TAX1BP1: variants seen among roughly 807,000 people sequenced by gnomAD.
The protein encoded by TAX1BP1 is tax1-binding protein 1.
In TAX1BP1, 62 loss-of-function variants were observed where a neutral mutation model predicts 97.7. That is an observed-to-expected ratio of 0.63 (90% confidence interval 0.52 to 0.78). The LOEUF (loss-of-function observed/expected upper bound fraction) is 0.78. Ranked by LOEUF, TAX1BP1 falls within the 30% of genes least tolerant of loss-of-function variation. The probability of loss-of-function intolerance (pLI) is 0.00; values close to 1 mark genes in which losing one functional copy is unlikely to be tolerated. For synonymous variants in TAX1BP1, 340 were observed against 304.2 expected (o/e 1.12, Z -1.23); for missense variants, 867 against 916.1 (o/e 0.95, Z 0.69).
At chr7:27,812,755 C>G (rs1790606906) in intron 13 of TAX1BP1, among the ~76,000 whole-genome samples, 1 of 152,154 alleles carries the variant, frequency 6.6e-6, no homozygotes, top group Non-Finnish European at 1.5e-5. Flanking sequence ...ATTTCCTCTA[C>G]ATCTTGAGGT....
intron 13 of TAX1BP1, among the ~76,000 whole-genome samples, chr7:27,801,524 A>T (rs1790137678): frequency 6.6e-6 from 1 of 152,158 alleles, no homozygotes; most frequent in Non-Finnish European, 1.5e-5. Flanking sequence ...TGGTTTAGTA[A>T]ATGTCTATTG....
intron 5 of TAX1BP1, among the ~76,000 whole-genome samples, chr7:27,778,775 T>C (rs1327890064): frequency 6.6e-6 from 1 of 151,738 alleles, no homozygotes; most frequent in Non-Finnish European, 1.5e-5. Flanking sequence ...GGTAGGAGAA[T>C]TGCTTGAACC....
intron 2 of TAX1BP1, 37 bp from the exon 3 acceptor site, chr7:27,757,994 T>A (rs559187888): frequency 1.5e-6 from 2 of 1,378,222 alleles, no homozygotes; most frequent in Non-Finnish European, 2.1e-6. Flanking sequence ...TTAAACTATT[T>A]GCTTATAAAT....
intron 13 of TAX1BP1, among the ~76,000 whole-genome samples, chr7:27,813,309 C>T (rs1346328928): frequency 6.6e-6 from 1 of 151,712 alleles, no homozygotes; most frequent in East Asian, 1.9e-4. Context: ...AGGCATGTGC[C>T]ACTGTACCTG....
At chr7:27,761,072 T>A (rs1788409298) in intron 3 of TAX1BP1, among the ~76,000 whole-genome samples, 1 of 152,342 alleles carries the variant, frequency 6.6e-6, no homozygotes, top group South Asian at 2.1e-4. Flanking sequence ...CCTGTTTTTT[T>A]ATCAGGCAAT....
chr7:27,768,902 T>A (rs1757623324), intron 4 of TAX1BP1, among the ~76,000 whole-genome samples: 1 of 152,012 alleles, frequency 6.6e-6, no homozygotes, highest in Non-Finnish European at 1.5e-5. Context: ...TTTTACCAAT[T>A]AAATGTATAA....
intron 2 of TAX1BP1, among the ~76,000 whole-genome samples, chr7:27,751,334 T>C (rs936163747): frequency 6.6e-6 from 1 of 152,176 alleles, no homozygotes; most frequent in Non-Finnish European, 1.5e-5. Flanking sequence ...GCTTAACACT[T>C]TTACCTACTG....
chr7:27,747,866 A>AT (rs112229151), intron 1 of TAX1BP1, among the ~76,000 whole-genome samples: 7,076 of 145,732 alleles, frequency 0.049, 502 homozygotes, highest in African/African-American at 0.16. Flanking sequence ...GTTGTCATCT[A>AT]TTTTTTTTTT....
At chr7:27,763,195 T>C (rs543540450) in intron 3 of TAX1BP1, among the ~76,000 whole-genome samples, 3 of 152,308 alleles carry the variant, frequency 2.0e-5, no homozygotes, top group African/African-American at 7.2e-5. Flanking sequence ...AATCCTGAAA[T>C]GCAAAACCCA....
At chr7:27,817,901 A>G (rs10241783) in intron 15 of TAX1BP1, among the ~76,000 whole-genome samples, 28,492 of 152,050 alleles carry the variant, frequency 0.19, 2,943 homozygotes, top group Admixed American at 0.26. Flanking sequence ...GAAACTGATC[A>G]GTGTTCAGAC....
intron 2 of TAX1BP1, 61 bp downstream of exon 2, chr7:27,748,747 AT>A: frequency 7.7e-7 from 1 of 1,303,256 alleles, no homozygotes. Context: ...TTTAAAACAG[AT>A]TGATAAGTAG....
chr7:27,740,647 C>T (rs1467368734), intron 1 of TAX1BP1, among the ~76,000 whole-genome samples: 1 of 152,168 alleles, frequency 6.6e-6, no homozygotes, highest in African/African-American at 2.4e-5. Context: ...CAAGGCTAAA[C>T]TCTGGGGTGA....
chr7:27,750,528 A>C (rs1408046254), intron 2 of TAX1BP1, among the ~76,000 whole-genome samples: 1 of 152,198 alleles, frequency 6.6e-6, no homozygotes, highest in Non-Finnish European at 1.5e-5. Flanking sequence ...GTTTAACTAG[A>C]GCATAAGCTT....
intron 2 of TAX1BP1, among the ~76,000 whole-genome samples, chr7:27,749,595 A>T (rs1485871866): frequency 6.6e-6 from 1 of 152,240 alleles, no homozygotes; most frequent in African/African-American, 2.4e-5. Flanking sequence ...GGGAAGGCAG[A>T]AAAACATTTG....
intron 15 of TAX1BP1, among the ~76,000 whole-genome samples, chr7:27,819,839 C>T (rs968605965): frequency 6.6e-6 from 1 of 152,070 alleles, no homozygotes; most frequent in Non-Finnish European, 1.5e-5. Context: ...TATATAATAT[C>T]CTTAGAAAAT....
At chr7:27,767,303 A>G (rs796529966) in intron 4 of TAX1BP1, among the ~76,000 whole-genome samples, 2 of 151,988 alleles carry the variant, frequency 1.3e-5, no homozygotes, top group East Asian at 3.8e-4. Flanking sequence ...TTATAGTTGG[A>G]TAGATTTTTT....
At chr7:27,768,489 G>A (rs1788725011) in intron 4 of TAX1BP1, among the ~76,000 whole-genome samples, 1 of 151,826 alleles carries the variant, frequency 6.6e-6, no homozygotes, top group African/African-American at 2.4e-5. Context: ...CACTGGAAAA[G>A]GTGATTCTTT....
chr7:27,785,797 AGT>A (rs1458376303), intron 7 of TAX1BP1, among the ~76,000 whole-genome samples: 2 of 152,154 alleles, frequency 1.3e-5, no homozygotes, highest in Admixed American at 6.5e-5. Flanking sequence ...CTTCTCTCAG[AGT>A]GAGTGATCCA....
chr7:27,807,789 T>C (rs1790396104), intron 13 of TAX1BP1, among the ~76,000 whole-genome samples: 1 of 152,220 alleles, frequency 6.6e-6, no homozygotes, highest in Non-Finnish European at 1.5e-5. Context: ...CTATATTGAT[T>C]AGAATTTTTC....
Sources: allele counts gnomAD v4.1 joint callset (sites outside exome capture counted in the v4.1 genomes callset), GRCh38; gene constraint gnomAD v4.1.1; transcripts MANE v1.5; gene names NCBI Gene and HGNC (gene_info 2026-07-23, HGNC 2026-07-21).